Variants in ZMYM2 observed in about 807,000 individuals in gnomAD.
ZMYM2 encodes zinc finger MYM-type protein 2.
A neutral mutation model predicts 162.8 loss-of-function variants in ZMYM2; 56 were observed. The ratio of observed to expected loss-of-function variants is 0.34; its 90% confidence interval spans 0.28 to 0.43. The LOEUF (loss-of-function observed/expected upper bound fraction) is 0.43, where lower values mean the gene tolerates loss of function less well. ZMYM2 is among the 20% of genes least tolerant of loss of function. ZMYM2 has a pLI of 1.00. For missense variants in ZMYM2, 1,275 were observed against 1,621.8 expected (o/e 0.79, Z 3.67); for synonymous variants, 510 against 541.6 (o/e 0.94, Z 0.81).
rs1231611447 is a variant in ZMYM2 at position 20,086,503 on chromosome 13, T to C, written c.*489T>C. 4 of 218,488 alleles carry C rather than the reference T, an allele frequency of 1.8e-5. No individual in the cohort carries two copies. The highest frequency in any genetic ancestry group is 3.7e-5 in the Non-Finnish European group (4 of 108,512). 13.5% of individuals were successfully genotyped at this position (218,488 alleles called of 1,614,324 possible). The stretch of plus-strand genomic sequence containing the variant: ...AACTAATAGGCTGGGGTTTTTGTTT[T>C]GTTTTGGGGTTTTGTTTTGTTTGGT... On this transcript the variant is annotated 3_prime_UTR_variant, in exon 25 of 25. Coordinates refer to ENST00000610343, the MANE Select transcript of ZMYM2 (RefSeq NM_197968.4).
the ZMYM2 span, among the ~76,000 whole-genome samples, chr13:19,915,399 G>GGCTT: frequency 6.6e-6 from 1 of 150,692 alleles, no homozygotes; most frequent in Non-Finnish European, 1.5e-5. Flanking sequence ...CTGCATGCTT[G>GGCTT]GCTTGCTTGC....
the ZMYM2 span, among the ~76,000 whole-genome samples, chr13:19,945,504 A>G: frequency 1.3e-5 from 2 of 152,044 alleles, no homozygotes; most frequent in African/African-American, 4.8e-5. Flanking sequence ...CACCTGCCTC[A>G]GCCTCCCAAA....
At chr13:19,939,383 A>G in the ZMYM2 span, among the ~76,000 whole-genome samples, 348 of 152,208 alleles carry the variant, frequency 2.3e-3, 2 homozygotes, top group African/African-American at 7.8e-3. Flanking sequence ...AAAAAAAAGT[A>G]TAATATTATG....
At chr13:19,942,273 A>G in the ZMYM2 span, among the ~76,000 whole-genome samples, 1 of 97,454 alleles carries the variant, frequency 1.0e-5, no homozygotes. Flanking sequence ...TAGGATGATC[A>G]CTAAAATTTT....
At position 20,031,371 on chromosome 13, in the gene ZMYM2, T is replaced by C. The variant is rs187724961; in HGVS notation, c.1904T>C (p.Ile635Thr). Residue 635 changes from isoleucine to threonine, a missense_variant, in exon 10 of 25, where the codon ATT becomes ACT. Physicochemically the swap from Ile to Thr is moderately conservative, Grantham distance 89. Transcript: ENST00000610343. ...PNGQFVAPSD[I>T]QLKCNYCKNS... is the part of the protein sequence containing the mutation. ...GGCCAGTTTGTAGCGCCAAGTGATA[T>C]TCAGTTGAAATGCAACTACTGCAAA... 116 of 1,608,220 alleles carry C rather than the reference T, an allele frequency of 7.2e-5. No homozygotes were observed. Among genetic ancestry groups the C allele is most frequent in the Admixed American group, 6.9e-5 (4 of 57,860 alleles).
intron 2 of ZMYM2, among the ~76,000 whole-genome samples, chr13:19,977,954 G>A (rs1279666422): frequency 6.8e-6 from 1 of 147,704 alleles, no homozygotes; most frequent in East Asian, 2.0e-4. Flanking sequence ...TCGGCTCACT[G>A]CAAGCCCCGC....
the ZMYM2 span, among the ~76,000 whole-genome samples, chr13:19,891,331 C>G: frequency 6.6e-6 from 1 of 151,888 alleles, no homozygotes; most frequent in African/African-American, 2.4e-5. Flanking sequence ...CAGATATCAA[C>G]CTTGATGGCA....
At chr13:20,037,592 A>T in intron 12 of ZMYM2, among the ~76,000 whole-genome samples, 1 of 152,168 alleles carries the variant, frequency 6.6e-6, no homozygotes, top group East Asian at 1.9e-4. Context: ...GATATATTTT[A>T]AAAACATCTT....
intron 3 of ZMYM2, among the ~76,000 whole-genome samples, chr13:20,000,131 T>C (rs1450651381): frequency 6.6e-6 from 1 of 152,110 alleles, no homozygotes; most frequent in Non-Finnish European, 1.5e-5. Flanking sequence ...TGGAGAAAGT[T>C]TAAGTGGTCT....
At chr13:19,887,736 A>G in the ZMYM2 span, among the ~76,000 whole-genome samples, 1 of 151,940 alleles carries the variant, frequency 6.6e-6, no homozygotes, top group Non-Finnish European at 1.5e-5. Context: ...AAAGGTGACC[A>G]ATTCTTTTTG....
the ZMYM2 span, among the ~76,000 whole-genome samples, chr13:19,916,104 G>T: frequency 6.6e-6 from 1 of 151,726 alleles, no homozygotes; most frequent in Non-Finnish European, 1.5e-5. Context: ...CTCATGATGC[G>T]CCCACCTCAG....
At chr13:19,918,495 CTTTT>C in the ZMYM2 span, among the ~76,000 whole-genome samples, 18 of 107,500 alleles carry the variant, frequency 1.7e-4, no homozygotes, top group South Asian at 3.6e-3. Context: ...TTCTTTCTTT[CTTTT>C]TTTTTTTTTT....
At chr13:19,910,534 C>CT in the ZMYM2 span, among the ~76,000 whole-genome samples, 557 of 147,694 alleles carry the variant, frequency 3.8e-3, 1 homozygote, top group South Asian at 0.021. Context: ...CTCTCTCTCT[C>CT]TTTTTTTTTT....
chr13:20,083,871 C>G, intron 24 of ZMYM2, 95 bp downstream of exon 24: 1 of 1,257,340 alleles, frequency 8.0e-7, no homozygotes, highest in Non-Finnish European at 1.1e-6. Context: ...TAGATGGATT[C>G]TTTCTCAGAT....
At chr13:20,074,585 C>T (rs1429097246) in intron 21 of ZMYM2, among the ~76,000 whole-genome samples, 2 of 149,494 alleles carry the variant, frequency 1.3e-5, no homozygotes, top group Non-Finnish European at 1.5e-5. Flanking sequence ...GTCGCCCAGG[C>T]TGGAGTGCAG....
chr13:20,019,537 CT>C lies in ZMYM2; in HGVS notation c.1513-3del. 3 of 1,567,514 alleles carry C rather than the reference CT, an allele frequency of 1.9e-6. No individual in the cohort carries two copies. The highest frequency in any genetic ancestry group is 1.7e-6 in the Non-Finnish European group (2 of 1,156,236). ...GTGTGTTTATAAAGTCTTTTAAAATCTTTTTTTAGGTAGGTAGCCATCCAAG... is the reference window on the plus strand; with the variant it reads ...GTGTGTTTATAAAGTCTTTTAAAATCTTTTTTAGGTAGGTAGCCATCCAAG... On this transcript the variant is annotated splice_polypyrimidine_tract_variant and intron_variant, in intron 6 of 24. Coordinates refer to ENST00000610343, the MANE Select transcript of ZMYM2 (RefSeq NM_197968.4).
At position 19,993,298 on chromosome 13, in the gene ZMYM2, G is replaced by T. The variant is rs751528512; in HGVS notation, c.226G>T (p.Val76Leu). 1.2e-6 allele frequency: 2 copies of T among 1,613,904 alleles called. No homozygotes were observed. Among genetic ancestry groups the T allele is most frequent in the East Asian group, 4.5e-5 (2 of 44,866 alleles). Residue 76 changes from valine (V) to leucine (L), a missense_variant, in exon 3 of 25, where the codon GTA becomes TTA. Transcript: ENST00000610343. ...ACCTCCCCCACCTTCTGTACCAGTGGTAGCTGATCAAAGAACCATAACATT... is the reference window on the plus strand; with the variant it reads ...ACCTCCCCCACCTTCTGTACCAGTGTTAGCTGATCAAAGAACCATAACATT... Reference protein sequence around the residue: ...VQPPPPSVPVVADQRTITFTS... With the variant: ...VQPPPPSVPVLADQRTITFTS...
chr13:19,916,004 G>C, the ZMYM2 span, among the ~76,000 whole-genome samples: 1 of 151,306 alleles, frequency 6.6e-6, no homozygotes, highest in Non-Finnish European at 1.5e-5. Context: ...GGACTACAGG[G>C]GCCCGCCACC....
At chr13:20,052,568 T>C (rs1300345058) in intron 14 of ZMYM2, among the ~76,000 whole-genome samples, 3 of 152,192 alleles carry the variant, frequency 2.0e-5, no homozygotes, top group Non-Finnish European at 4.4e-5. Flanking sequence ...GACGGATGTT[T>C]CCATAATAGA....
Sources: allele counts gnomAD v4.1 joint callset (sites outside exome capture counted in the v4.1 genomes callset), GRCh38; gene constraint gnomAD v4.1.1; transcripts MANE v1.5; gene names NCBI Gene and HGNC (gene_info 2026-07-23, HGNC 2026-07-21).